The following TRIM15 variants were observed in gnomAD, a reference collection of about 807,000 sequenced individuals.
The protein encoded by TRIM15 is E3 ubiquitin-protein ligase TRIM15.
A neutral mutation model predicts 35.8 loss-of-function variants in TRIM15; 35 were observed. The ratio of observed to expected loss-of-function variants is 0.98; its 90% CI spans 0.75 to 1.30. TRIM15 has a LOEUF of 1.30. TRIM15 is among the 50% of genes most tolerant of loss of function. TRIM15 has a pLI of 0.00. For missense variants in TRIM15, 590 were observed against 593.5 expected (o/e 0.99, Z 0.06); for synonymous variants, 252 against 249.8 (o/e 1.01, Z -0.08).
chr6:30,166,998 T>A (rs1773645869), intron 1 of TRIM15, among the ~76,000 whole-genome samples, 178 bp from the exon 2 acceptor site: 1 of 152,266 alleles, frequency 6.6e-6, no homozygotes, highest in African/African-American at 2.4e-5. Flanking sequence ...TCTATCTGTA[T>A]TTTAATCACT....
chr6:30,172,161 A>G lies in TRIM15; in HGVS notation c.1210A>G (p.Thr404Ala). 1 of 1,596,202 alleles carries G rather than the reference A, an allele frequency of 6.3e-7. No homozygotes were observed. Among genetic ancestry groups the G allele is most frequent in the Non-Finnish European group, 8.5e-7 (1 of 1,172,126 alleles). ...GTGCTGGGCCAGCACCTCCCCGGGC[A>G]CCGACCTGCCGCTGAGCGAGATCCC... The part of the protein sequence containing the change: ...QQCWASTSPG[T>A]DLPLSEIPRG... Residue 404 changes from threonine to alanine, a missense_variant, in exon 7 of 7, where the codon ACC becomes GCC. Transcript: ENST00000376694.
intron 2 of TRIM15, among the ~76,000 whole-genome samples, chr6:30,168,048 G>C (rs138833344): frequency 1.5e-3 from 222 of 152,304 alleles, no homozygotes; most frequent in African/African-American, 3.5e-3. Flanking sequence ...AAATATTTTT[G>C]AAAAGTTCAA....
intron 1 of TRIM15, 139 bp downstream of exon 1, chr6:30,164,204 C>G: frequency 1.6e-6 from 2 of 1,280,418 alleles, no homozygotes; most frequent in Non-Finnish European, 2.1e-6. Context: ...CGAGGCATTC[C>G]CAGACTGAAG....
rs777249125 is a variant in TRIM15 at position 30,168,421 on chromosome 6, A to G, written c.599A>G (p.Lys200Arg). ...AGGGAGCTGGAGCAGCAGATTTGGA[A>G]GGAGAGGGATGAATATATCACAAAG... ...RLRELEQQIW[K>R]ERDEYITKVS... Residue 200 changes from lysine (K) to arginine (R), a missense_variant, in exon 3 of 7, where the codon AAG becomes AGG. By Grantham distance (26) the Lys-to-Arg change is conservative. Coordinates refer to ENST00000376694, the MANE Select transcript of TRIM15 (RefSeq NM_033229.3). 9 of 1,612,824 alleles carry G rather than the reference A, an allele frequency of 5.6e-6. No individual in the cohort carries two copies. In the Admixed American group the frequency reaches 1.3e-4, roughly 24 times the overall value.
At chr6:30,168,710 A>G in intron 3 of TRIM15, 180 bp downstream of exon 3, 2 of 641,870 alleles carry the variant, frequency 3.1e-6, no homozygotes, top group Non-Finnish European at 5.5e-6. Flanking sequence ...TAAGGGGTTT[A>G]GGGTCAGACA....
rs775218966 is a variant in TRIM15, at chr6:30,163,828, C to G, written c.144C>G (p.Ala48=). 5.6e-6 allele frequency: 9 copies of G among 1,613,060 alleles called. No homozygotes were observed. The South Asian group carries it at 9.9e-5, about 18-fold the overall frequency. The change falls in exon 1 of 7, where the codon GCC becomes GCG. Residue 48 remains alanine (A), a synonymous_variant. Transcript: ENST00000376694. ...LCLPALSQMG[A]QSSGKILLCP... ...TCCCCGCGCTCTCCCAGATGGGGGC[C>G]CAATCCTCGGGCAAGATCCTGCTCT...
chr6:30,167,309 G>T (rs1773674049), intron 2 of TRIM15, 38 bp downstream of exon 2: 5 of 1,559,196 alleles, frequency 3.2e-6, no homozygotes, highest in African/African-American at 1.4e-5. Context: ...TCCTTTGAAG[G>T]TTTTCTTAAG....
At chr6:30,166,784 C>A (rs1773628411) in intron 1 of TRIM15, among the ~76,000 whole-genome samples, 1 of 152,194 alleles carries the variant, frequency 6.6e-6, no homozygotes, top group Admixed American at 6.5e-5. Context: ...TTTCCTTGAG[C>A]AGTGGTTTGT....
chr6:30,163,762 G>A lies in TRIM15; in HGVS notation c.78G>A (p.Ala26=), dbSNP rs1205166137. Residue 26 remains alanine, a synonymous_variant, in exon 1 of 7, where the codon GCG becomes GCA. Coordinates refer to ENST00000376694, the MANE Select transcript of TRIM15 (RefSeq NM_033229.3). ...TCTGTGCGGGGCCGCTGGAGGATGC[G>A]GTGACCATTCCCTGTGGACACACCT... is the stretch of plus-strand genomic sequence containing the variant. The part of the protein sequence containing the change: ...CTLCAGPLED[A]VTIPCGHTFC... 1 of 1,612,928 alleles carries A rather than the reference G, an allele frequency of 6.2e-7. No individual in the cohort carries two copies. The highest frequency in any genetic ancestry group is 2.2e-5 in the East Asian group (1 of 44,858).
In TRIM15 at chr6:30,172,040, C is replaced by T; in HGVS notation, c.1089C>T (p.Cys363=). 2.5e-6 allele frequency: 4 copies of T among 1,571,386 alleles called. No homozygotes were observed. The highest frequency in any genetic ancestry group is 3.5e-6 in the Non-Finnish European group (4 of 1,158,190). ...VDLQLGDGGG[C]TVGVAGEGVR... is the part of the protein sequence containing the mutation. ...TGCAGCTGGGCGACGGCGGCGGCTGCACGGTGGGGGTGGCCGGGGAGGGGG... is the reference window on the plus strand; with the variant it reads ...TGCAGCTGGGCGACGGCGGCGGCTGTACGGTGGGGGTGGCCGGGGAGGGGG... Residue 363 remains cysteine (C), a synonymous_variant, in exon 7 of 7, where the codon TGC becomes TGT. Coordinates refer to ENST00000376694, the MANE Select transcript of TRIM15 (RefSeq NM_033229.3).
Position 30,172,262 on chromosome 6 carries a change from C to G in TRIM15, c.1311C>G (p.Ile437Met), listed in dbSNP as rs1011232786. 6.2e-7 allele frequency: 1 copy of G among 1,612,754 alleles called. No homozygotes were observed. Among genetic ancestry groups the G allele is most frequent in the Non-Finnish European group, 8.5e-7 (1 of 1,179,950 alleles). Residue 437 changes from isoleucine (I) to methionine (M), a missense_variant, in exon 7 of 7, where the codon ATC becomes ATG. Ile to Met is a conservative substitution (Grantham distance 10, BLOSUM62 1). Coordinates refer to ENST00000376694, the MANE Select transcript of TRIM15 (RefSeq NM_033229.3). ...TLHNAQTQEP[I>M]FTFTASFSGK... ...ACAACGCCCAGACCCAGGAGCCCATCTTCACCTTCACTGCCTCTTTCTCCG... is the reference window on the plus strand; with the variant it reads ...ACAACGCCCAGACCCAGGAGCCCATGTTCACCTTCACTGCCTCTTTCTCCG...
chr6:30,167,068 C>T, intron 1 of TRIM15, 108 bp from the exon 2 acceptor site: 1 of 952,594 alleles, frequency 1.0e-6, no homozygotes, highest in Non-Finnish European at 1.6e-6. Flanking sequence ...GCCTTTTCCA[C>T]CTTTGAACCC....
intron 2 of TRIM15, among the ~76,000 whole-genome samples, chr6:30,167,924 C>T (rs753378914): frequency 1.3e-5 from 2 of 152,196 alleles, no homozygotes; most frequent in Non-Finnish European, 2.9e-5. Context: ...CACTCTCCCA[C>T]TAAGTTGTGT....
At position 30,166,136 on chromosome 6, in the gene TRIM15, T is replaced by G. The variant is rs183264152; in HGVS notation, c.382-1040T>G. ...GATACCATTTGTCAATTTAGGCTTT[T>G]GTTGCCATTGCTTTTGGTGTTCTAG... On this transcript the variant is annotated intron_variant, in intron 1 of 6. Transcript: ENST00000376694. 9.8e-3 allele frequency among the ~76,000 whole-genome samples: 1,499 copies of G among 152,356 alleles called. 23 individuals are homozygous for G. Among genetic ancestry groups the G allele is most frequent in the African/African-American group, 0.032 (1,349 of 41,570 alleles).
intron 3 of TRIM15, 25 bp from the exon 4 acceptor site, chr6:30,169,216 G>A (rs552122973): frequency 3.6e-5 from 58 of 1,613,050 alleles, no homozygotes; most frequent in Non-Finnish European, 4.6e-5. Context: ...GAAACTAAAT[G>A]TATGTTCTTG....
At position 30,171,926 on chromosome 6, in the gene TRIM15, G is replaced by C; in HGVS notation, c.975G>C (p.Leu325=). 6.3e-7 allele frequency: 1 copy of C among 1,598,512 alleles called. No homozygotes were observed. The part of the protein sequence containing the change: ...SVRYTRQKKS[L]PDSPLRFDGL... ...GGTACACCCGGCAGAAGAAGAGCCTGCCAGACAGCCCCCTGCGCTTCGACG... is the reference window on the plus strand; with the variant it reads ...GGTACACCCGGCAGAAGAAGAGCCTCCCAGACAGCCCCCTGCGCTTCGACG... The change falls in exon 7 of 7, where the codon CTG becomes CTC. Residue 325 remains leucine, a synonymous_variant. Coordinates refer to ENST00000376694, the MANE Select transcript of TRIM15 (RefSeq NM_033229.3).
At position 30,163,933 on chromosome 6, in the gene TRIM15, C is replaced by T. The variant is rs752911037; in HGVS notation, c.249C>T (p.Cys83=). ...TGGGCCCGCTGGGAGAAACTTACTG[C>T]GAGGAGCACGGCGAGAAGATCTACT... ...VPLGPLGETY[C]EEHGEKIYFF... is the part of the protein sequence containing the mutation. Residue 83 remains cysteine (C), a synonymous_variant, in exon 1 of 7, where the codon TGC becomes TGT. Transcript: ENST00000376694. The T allele has an allele frequency of 7.7e-5, 125 of 1,613,114 alleles. 1 individual carries two copies. The South Asian group carries it at 9.4e-4, about 12-fold the overall frequency.
intron 2 of TRIM15, 86 bp downstream of exon 2, chr6:30,167,357 T>G: frequency 8.8e-7 from 1 of 1,131,396 alleles, no homozygotes; most frequent in Non-Finnish European, 1.3e-6. Context: ...ATCTGTTTCC[T>G]GGCTGAAAAG....
intron 1 of TRIM15, 129 bp downstream of exon 1, chr6:30,164,194 C>T (rs1207210653): frequency 3.7e-6 from 5 of 1,338,552 alleles, no homozygotes; most frequent in Middle Eastern, 5.2e-4. Context: ...CAGGGACTTT[C>T]GAGGCATTCC....
Sources: gnomAD v4.1 joint callset for allele counts (sites outside exome capture counted in the v4.1 genomes callset) on GRCh38, gnomAD v4.1.1 for gene constraint, MANE v1.5 for transcripts, NCBI Gene and HGNC (gene_info 2026-07-23, HGNC 2026-07-21) for gene names.